The following SYT1 variants were observed in gnomAD, a reference collection of about 807,000 sequenced individuals.
The protein encoded by SYT1 is synaptotagmin-1.
In SYT1, 8 loss-of-function variants were observed where a neutral mutation model predicts 44.8. That is an observed-to-expected ratio of 0.18 (90% CI 0.10 to 0.32). The LOEUF is 0.32. SYT1 is among the 10% of genes least tolerant of loss of function. The pLI, the probability that SYT1 is intolerant of heterozygous loss-of-function variation, is 1.00. For missense variants in SYT1, 286 were observed against 509.3 expected (o/e 0.56, Z 4.22); for synonymous variants, 154 against 188.8 (o/e 0.82, Z 1.51).
intron 4 of SYT1, among the ~76,000 whole-genome samples, chr12:79,278,223 A>G (rs569085973): frequency 6.6e-6 from 1 of 152,264 alleles, no homozygotes; most frequent in Non-Finnish European, 1.5e-5. Context: ...ACTTCTCATC[A>G]GCACATAGAA....
intron 3 of SYT1, among the ~76,000 whole-genome samples, chr12:79,189,264 C>T (rs1213147185): frequency 6.6e-6 from 1 of 152,098 alleles, no homozygotes; most frequent in Admixed American, 6.6e-5. Context: ...GCTCTGTGGT[C>T]TTGTACAAAC....
At chr12:79,170,986 A>G (rs953962170) in intron 3 of SYT1, among the ~76,000 whole-genome samples, 3 of 151,980 alleles carry the variant, frequency 2.0e-5, no homozygotes, top group African/African-American at 7.2e-5. Context: ...AGGTTTGTTG[A>G]AGATCAGAGA....
At chr12:79,175,155 T>C (rs1565838806) in intron 3 of SYT1, among the ~76,000 whole-genome samples, 1 of 152,002 alleles carries the variant, frequency 6.6e-6, no homozygotes, top group Non-Finnish European at 1.5e-5. Flanking sequence ...ATTAATGCAA[T>C]AAGGAACCAT....
chr12:78,982,746 C>T (rs1869357175), intron 2 of SYT1, among the ~76,000 whole-genome samples: 1 of 152,148 alleles, frequency 6.6e-6, no homozygotes, highest in African/African-American at 2.4e-5. Flanking sequence ...ATAACTGATG[C>T]TATATCATAG....
At chr12:79,384,037 T>C (rs1377965903) in intron 9 of SYT1, among the ~76,000 whole-genome samples, 2 of 152,156 alleles carry the variant, frequency 1.3e-5, no homozygotes, top group African/African-American at 4.8e-5. Flanking sequence ...GGAAACTTAA[T>C]ATTGAGAGTA....
Position 79,024,803 on chromosome 12 carries a change from G to A in SYT1, c.-83-22494G>A, listed in dbSNP as rs559817412. ...TATTTTTGTGATTAAGGAAAGATTT[G>A]GATTGGAGAATAACGCTAAATAAAA... On this transcript the variant is annotated intron_variant, in intron 2 of 10. Coordinates refer to ENST00000261205, the MANE Select transcript of SYT1 (RefSeq NM_005639.3). 7.9e-5 allele frequency among the ~76,000 whole-genome samples: 12 copies of A among 151,796 alleles called. 1 individual carries two copies. In the South Asian group the frequency reaches 1.7e-3, roughly 21 times the overall value.
chr12:79,373,886 A>G (rs1883889448), intron 9 of SYT1, among the ~76,000 whole-genome samples: 1 of 152,200 alleles, frequency 6.6e-6, no homozygotes, highest in African/African-American at 2.4e-5. Context: ...TGTTTGCATT[A>G]TCAAGTTTTC....
chr12:79,422,197 T>G (rs958763751), intron 9 of SYT1, among the ~76,000 whole-genome samples: 1 of 152,102 alleles, frequency 6.6e-6, no homozygotes, highest in African/African-American at 2.4e-5. Flanking sequence ...CAACTCATCT[T>G]TGAGCTCTTG....
chr12:79,326,588 T>A (rs1419945680), intron 8 of SYT1, among the ~76,000 whole-genome samples: 1 of 152,210 alleles, frequency 6.6e-6, no homozygotes, highest in Non-Finnish European at 1.5e-5. Context: ...ATGTTTGACA[T>A]CCAGGCTCTC....
chr12:78,912,857 C>A (rs554483147), intron 1 of SYT1, among the ~76,000 whole-genome samples: 67 of 151,864 alleles, frequency 4.4e-4, no homozygotes, highest in Non-Finnish European at 5.7e-4. Flanking sequence ...TAGTAACTAG[C>A]ATTTTCTAAG....
intron 3 of SYT1, among the ~76,000 whole-genome samples, chr12:79,081,572 T>C (rs1877036660): frequency 6.6e-6 from 1 of 151,702 alleles, no homozygotes; most frequent in African/African-American, 2.4e-5. Flanking sequence ...TGGAGACGGG[T>C]TTCATCATGT....
intron 1 of SYT1, among the ~76,000 whole-genome samples, chr12:78,936,113 G>A (rs931067030): frequency 6.6e-6 from 1 of 152,044 alleles, no homozygotes; most frequent in African/African-American, 2.4e-5. Flanking sequence ...CTGTATTTAT[G>A]TCACTTCTTT....
chr12:78,931,211 GAAAGAAAGAAAGAAAGAAAGAAAGAAA>G (rs1265231691), intron 1 of SYT1, among the ~76,000 whole-genome samples: 9 of 47,882 alleles, frequency 1.9e-4, no homozygotes, highest in South Asian at 9.5e-4. Context: ...AAGAAAGAAA[GAAAGAAAGAAAGAAAGAAAGAAAGAAA>G]GAAGGAAGGA....
At chr12:79,400,877 A>G (rs917700262) in intron 9 of SYT1, among the ~76,000 whole-genome samples, 29 of 152,202 alleles carry the variant, frequency 1.9e-4, no homozygotes, top group African/African-American at 7.0e-4. Context: ...AAAGCAGAAT[A>G]CAGATCTCTT....
chr12:79,255,367 T>C (rs1343875553), intron 4 of SYT1, among the ~76,000 whole-genome samples: 1 of 152,226 alleles, frequency 6.6e-6, no homozygotes, highest in Non-Finnish European at 1.5e-5. Flanking sequence ...TGTACATTGA[T>C]TTTTAGACCT....
chr12:78,901,461 A>T (rs1466685307), intron 1 of SYT1, among the ~76,000 whole-genome samples: 1 of 152,118 alleles, frequency 6.6e-6, no homozygotes, highest in Non-Finnish European at 1.5e-5. Context: ...GAGACAGCAA[A>T]GGGAGGTCTT....
intron 8 of SYT1, among the ~76,000 whole-genome samples, chr12:79,348,768 G>T (rs1406860816): frequency 1.3e-5 from 2 of 151,968 alleles, no homozygotes; most frequent in Non-Finnish European, 1.5e-5. Flanking sequence ...GGTGTTGGTA[G>T]TAGCAGAGGT....
At chr12:79,359,982 A>C (rs1236388015) in intron 9 of SYT1, among the ~76,000 whole-genome samples, 1 of 152,138 alleles carries the variant, frequency 6.6e-6, no homozygotes, top group Admixed American at 6.5e-5. Flanking sequence ...CTTATTAAAA[A>C]CTAAGATTTC....
At chr12:79,418,679 T>A (rs1918186) in intron 9 of SYT1, among the ~76,000 whole-genome samples, 1 of 152,056 alleles carries the variant, frequency 6.6e-6, no homozygotes, top group African/African-American at 2.4e-5. Flanking sequence ...GATGTCTGAG[T>A]AGAGAGACAA....
Sources: allele counts gnomAD v4.1 joint callset (sites outside exome capture counted in the v4.1 genomes callset), GRCh38; gene constraint gnomAD v4.1.1; transcripts MANE v1.5; gene names NCBI Gene and HGNC (gene_info 2026-07-23, HGNC 2026-07-21).